AOPEP: variants seen among roughly 807,000 people sequenced by gnomAD.
The protein encoded by AOPEP is aminopeptidase O.
A neutral mutation model predicts 98.1 loss-of-function variants in AOPEP; 77 were observed. The observed-to-expected ratio is 0.78, with a 90% CI of 0.65 to 0.95. The LOEUF is 0.95. AOPEP is among the 40% of genes least tolerant of loss of function. The pLI is 0.00. For missense variants in AOPEP, 1,024 were observed against 1,024.7 expected, an observed-to-expected ratio of 1.00 and a Z score of 0.01; for synonymous variants, 346 against 365.3, an observed-to-expected ratio of 0.95 and a Z score of 0.60.
At chr9:94,990,621 T>A (rs988526771) in intron 11 of AOPEP, among the ~76,000 whole-genome samples, 1 of 151,970 alleles carries the variant, frequency 6.6e-6, no homozygotes. Context: ...TTTAATTAAT[T>A]AATTAATTAA....
At chr9:95,148,792 G>A in the AOPEP span, among the ~76,000 whole-genome samples, 1 of 152,236 alleles carries the variant, frequency 6.6e-6, no homozygotes, top group African/African-American at 2.4e-5. Flanking sequence ...AGTATGGAAA[G>A]TTAACTGACA....
chr9:94,823,501 A>G (rs532493980), intron 5 of AOPEP, among the ~76,000 whole-genome samples: 8 of 152,250 alleles, frequency 5.3e-5, no homozygotes, highest in Non-Finnish European at 1.2e-4. Context: ...TGGTCCTTCT[A>G]GAGCATGTTC....
chr9:95,093,765 G>A, the AOPEP span, among the ~76,000 whole-genome samples: 10 of 152,192 alleles, frequency 6.6e-5, no homozygotes, highest in South Asian at 1.9e-3. Flanking sequence ...CATAACGCTC[G>A]CTTCTCTGTG....
the AOPEP span, among the ~76,000 whole-genome samples, chr9:95,137,059 G>T: frequency 6.6e-6 from 1 of 152,074 alleles, no homozygotes. Context: ...CTTGCCCCAA[G>T]AAAAACAAGG....
At chr9:94,875,358 A>AAAAAAAAAAAG (rs2046824873) in intron 5 of AOPEP, among the ~76,000 whole-genome samples, 2 of 148,142 alleles carry the variant, frequency 1.4e-5, no homozygotes, top group African/African-American at 5.1e-5. Context: ...AAAAAAAAAA[A>AAAAAAAAAAAG]AAAAAAAAAA....
intron 5 of AOPEP, among the ~76,000 whole-genome samples, chr9:94,895,257 G>T (rs1564338764): frequency 1.4e-5 from 2 of 145,402 alleles, no homozygotes; most frequent in African/African-American, 5.3e-5. Flanking sequence ...AAAAATAGCT[G>T]GGCATGGTGG....
chr9:94,898,884 A>G (rs935437379), intron 5 of AOPEP, among the ~76,000 whole-genome samples: 3 of 151,770 alleles, frequency 2.0e-5, no homozygotes, highest in Non-Finnish European at 4.4e-5. Flanking sequence ...TGGAGCTTGC[A>G]GTGAGCCGAG....
chr9:95,016,611 T>C (rs368585780), intron 13 of AOPEP, among the ~76,000 whole-genome samples: 7 of 151,920 alleles, frequency 4.6e-5, no homozygotes, highest in African/African-American at 1.7e-4. Flanking sequence ...ACCACAGATA[T>C]AGCATGACCT....
chr9:94,753,442 G>T (rs1221501231), intron 1 of AOPEP, among the ~76,000 whole-genome samples: 1 of 152,146 alleles, frequency 6.6e-6, no homozygotes, highest in Non-Finnish European at 1.5e-5. Flanking sequence ...TGTTTGGAAG[G>T]TTATTCGAGA....
At position 94,878,985 on chromosome 9, in the gene AOPEP, G is replaced by T. The variant is rs139555365; in HGVS notation, c.1365-45001G>T. ...TCAGAGTTTTTAAGGGTAATTGGGT[G>T]GGTGGAAGAACTCAGCTGTCTTCTT... On this transcript the variant is annotated intron_variant, in intron 5 of 16. Transcript: ENST00000375315. 5.7e-4 allele frequency among the ~76,000 whole-genome samples: 87 copies of T among 152,328 alleles called. 1 individual carries two copies. Among genetic ancestry groups the T allele is most frequent in the Admixed American group, 5.1e-3 (78 of 15,300 alleles).
rs1306221873 is a variant in AOPEP at position 94,863,366 on chromosome 9, T to C, written c.1365-60620T>C. On this transcript the variant is annotated intron_variant, in intron 5 of 16. Transcript: ENST00000375315. ...CGTGGTCTCGGCTCACTGCCAGCTCTGCCTCCTGGGTTCATGCCATTCTCC... is the reference window on the plus strand; with the variant it reads ...CGTGGTCTCGGCTCACTGCCAGCTCCGCCTCCTGGGTTCATGCCATTCTCC... Among the ~76,000 whole-genome samples the C allele has an allele frequency of 7.9e-5, 12 of 151,178 alleles. No individual in the cohort carries two copies. In the East Asian group the frequency reaches 2.2e-3, roughly 27 times the overall value.
rs769370750 is a variant in AOPEP, at chr9:94,932,171, G to A, written c.1661+3640G>A. Reference sequence around the variant, plus strand: ...AAACAAACAAACAAAAAACCTGCAGGTATCTTGGGCTCTGGAAGGACATAC... The same window carrying A: ...AAACAAACAAACAAAAAACCTGCAGATATCTTGGGCTCTGGAAGGACATAC... On this transcript the variant is annotated intron_variant, in intron 7 of 16. Coordinates refer to ENST00000375315, the MANE Select transcript of AOPEP (RefSeq NM_001193329.3). 67 of 991,672 alleles carry A rather than the reference G, an allele frequency of 6.8e-5. No homozygotes were observed. The African/African-American group carries it at 1.1e-3, about 17-fold the overall frequency. The allele number at this position is 991,672 out of a possible 1,614,324, so 61.4% of individuals were successfully genotyped here.
chr9:94,773,142 C>G lies in AOPEP; in HGVS notation c.938C>G (p.Ser313Cys), dbSNP rs768544494. 4.3e-6 allele frequency: 7 copies of G among 1,614,020 alleles called. No individual in the cohort carries two copies. In the Admixed American group the frequency reaches 8.3e-5, roughly 19 times the overall value. Residue 313 changes from serine (S) to cysteine (C), a missense_variant, in exon 3 of 17, where the codon TCT (serine) becomes TGT (cysteine). Around this residue, in one of 3 missense-constraint regions of AOPEP, gnomAD observed 440 missense variants for 433.8 expected, o/e 1.01. Transcript: ENST00000375315. Reference protein sequence around the residue: ...SFVVLMSGENSAKPTQLWEEC... With the variant: ...SFVVLMSGENCAKPTQLWEEC... ...GTTGTTTTAATGAGTGGGGAAAATTCTGCCAAACCAACGCAGCTTTGGGAA... is the reference window on the plus strand; with the variant it reads ...GTTGTTTTAATGAGTGGGGAAAATTGTGCCAAACCAACGCAGCTTTGGGAA...
intron 14 of AOPEP, among the ~76,000 whole-genome samples, chr9:95,067,842 T>C (rs2068071688): frequency 1.3e-5 from 2 of 152,196 alleles, no homozygotes; most frequent in African/African-American, 4.8e-5. Flanking sequence ...TTGGCTGTCA[T>C]CCCTAGCTCC....
At chr9:94,875,433 T>C (rs2046838978) in intron 5 of AOPEP, among the ~76,000 whole-genome samples, 1 of 148,650 alleles carries the variant, frequency 6.7e-6, no homozygotes, top group African/African-American at 2.5e-5. Flanking sequence ...GGCTGCCACA[T>C]GGTCAGATAA....
At chr9:94,803,888 G>A (rs954664114) in intron 5 of AOPEP, among the ~76,000 whole-genome samples, 1 of 152,132 alleles carries the variant, frequency 6.6e-6, no homozygotes, top group African/African-American at 2.4e-5. Context: ...GTTTCATTGT[G>A]TTTTTGCCTT....
At chr9:95,020,854 GT>G (rs2063391521) in intron 13 of AOPEP, among the ~76,000 whole-genome samples, 1 of 131,572 alleles carries the variant, frequency 7.6e-6, no homozygotes, top group Non-Finnish European at 1.6e-5. Flanking sequence ...GGAGGTGGAG[GT>G]TGCAGTTAAG....
At chr9:94,921,091 G>GAC (rs2053554784) in intron 5 of AOPEP, 2 of 146,248 alleles carry the variant, frequency 1.4e-5, no homozygotes, top group Non-Finnish European at 3.0e-5. Context: ...AAAAAGACAA[G>GAC]AAAGAAACGT....
At chr9:95,122,021 C>T in the AOPEP span, among the ~76,000 whole-genome samples, 3 of 151,846 alleles carry the variant, frequency 2.0e-5, no homozygotes, top group East Asian at 1.9e-4. Flanking sequence ...CCATGCCCGG[C>T]GAATTTTTTT....
Sources: allele counts gnomAD v4.1 joint callset (sites outside exome capture counted in the v4.1 genomes callset), GRCh38; gene constraint gnomAD v4.1.1; regional missense constraint gnomAD v4.1.1; transcripts MANE v1.5; gene names NCBI Gene and HGNC (gene_info 2026-07-23, HGNC 2026-07-21).